Variants in TMEM63C observed in about 807,000 individuals in gnomAD.
TMEM63C encodes the protein osmosensitive cation channel TMEM63C.
TMEM63C carries 32 observed loss-of-function variants against 99.2 expected under a neutral mutation model. The observed-to-expected ratio is 0.32, with a 90% confidence interval of 0.24 to 0.43. The LOEUF (loss-of-function observed/expected upper bound fraction) is 0.43, where lower values mean the gene tolerates loss of function less well. Ranked by LOEUF, TMEM63C falls within the 20% of genes least tolerant of loss-of-function variation. The pLI is 1.00. For synonymous variants in TMEM63C, 376 were observed against 397.9 expected, an observed-to-expected ratio of 0.94 and a Z score of 0.66; for missense variants, 826 against 1,053.0, an observed-to-expected ratio of 0.78 and a Z score of 2.98.
intron 6 of TMEM63C, among the ~76,000 whole-genome samples, chr14:77,230,077 C>T (rs1446536885): frequency 6.6e-6 from 1 of 152,040 alleles, no homozygotes; most frequent in Non-Finnish European, 1.5e-5. Flanking sequence ...TGGCGCACAC[C>T]TATAGTCCCA....
rs146203945 is a variant in TMEM63C, at chr14:77,195,890, G to A, written c.-77+13996G>A. Reference sequence around the variant, plus strand: ...CAGGCTGGGGGTCATGGATGCTTCCGGAGTACCCCTCACCCCATCACAGCT... The same window carrying A: ...CAGGCTGGGGGTCATGGATGCTTCCAGAGTACCCCTCACCCCATCACAGCT... On this transcript the variant is annotated intron_variant, in intron 1 of 23. Coordinates refer to ENST00000298351, the MANE Select transcript of TMEM63C (RefSeq NM_020431.4). 3.6e-3 allele frequency among the ~76,000 whole-genome samples: 555 copies of A among 152,346 alleles called. 2 individuals carry two copies. Among genetic ancestry groups the A allele is most frequent in the African/African-American group, 0.012 (504 of 41,576 alleles).
At chr14:77,222,358 A>C (rs440715) in intron 5 of TMEM63C, among the ~76,000 whole-genome samples, 109,033 of 151,738 alleles carry the variant, frequency 0.72, 40,092 homozygotes, top group Admixed American at 0.8. Flanking sequence ...TCTCTCCATC[A>C]CTCCTACCAT....
At chr14:77,213,548 G>C (rs560986933) in intron 2 of TMEM63C, 40 bp downstream of exon 2, 1 of 152,186 alleles carries the variant, frequency 6.6e-6, no homozygotes. Context: ...CTGCAGGATC[G>C]CCTTCCTACA....
rs775742780 is a variant in TMEM63C at position 77,218,820 on chromosome 14, G to A, written c.7G>A (p.Ala3Thr). The A allele has an allele frequency of 1.5e-5, 24 of 1,613,130 alleles. No homozygotes were observed. Among genetic ancestry groups the A allele is most frequent in the East Asian group, 1.1e-4 (5 of 44,874 alleles). ...TCCCAGGGATCCTCCCAGGATGTCTGCCTCACCAGACGACCTGAGTACAGG... is the reference window on the plus strand; with the variant it reads ...TCCCAGGGATCCTCCCAGGATGTCTACCTCACCAGACGACCTGAGTACAGG... MS[A>T]SPDDLSTGGR... The change falls in exon 3 of 24, where the codon GCC becomes ACC. Residue 3 changes from alanine to threonine, a missense_variant. Coordinates refer to ENST00000298351, the MANE Select transcript of TMEM63C (RefSeq NM_020431.4).
chr14:77,227,764 A>G (rs1395389557), intron 6 of TMEM63C, among the ~76,000 whole-genome samples: 4 of 152,182 alleles, frequency 2.6e-5, no homozygotes, highest in Non-Finnish European at 5.9e-5. Context: ...GGGGTTGAGG[A>G]AAGGACATTG....
intron 13 of TMEM63C, among the ~76,000 whole-genome samples, chr14:77,240,810 G>T (rs1444670983): frequency 1.3e-5 from 2 of 152,188 alleles, no homozygotes; most frequent in Admixed American, 1.3e-4. Flanking sequence ...CTCTCAAGGG[G>T]TGCCCAGGCC....
In TMEM63C at chr14:77,256,770, G is replaced by C; in HGVS notation, c.*44G>C. On this transcript the variant is annotated 3_prime_UTR_variant, in exon 24 of 24. Coordinates refer to ENST00000298351, the MANE Select transcript of TMEM63C (RefSeq NM_020431.4). ...ACTGGCGACTTGTTGAGGGGTCAGG[G>C]GAGGGCCTGGCAAGGGGAGGCAGGA... 6.3e-7 allele frequency: 1 copy of C among 1,590,614 alleles called. No individual in the cohort carries two copies.
intron 2 of TMEM63C, among the ~76,000 whole-genome samples, chr14:77,215,195 T>C (rs994477535): frequency 6.6e-6 from 1 of 152,118 alleles, no homozygotes; most frequent in Non-Finnish European, 1.5e-5. Flanking sequence ...CATCCTCTCT[T>C]ATTCCCCTAG....
rs574591911 is a variant in TMEM63C at position 77,212,601 on chromosome 14, G to A, written c.-76-845G>A. Among the ~76,000 whole-genome samples, 3 of 152,326 alleles carry A rather than the reference G, an allele frequency of 2.0e-5. No individual in the cohort carries two copies. In the East Asian group the frequency reaches 5.8e-4, roughly 29 times the overall value. On this transcript the variant is annotated intron_variant, in intron 1 of 23. Transcript: ENST00000298351. Reference sequence around the variant, plus strand: ...GAGCTAGCTCTCCCTCCAGAAAGAAGTATGGTCCAGGGAGGGTGAAGGGAT... The same window carrying A: ...GAGCTAGCTCTCCCTCCAGAAAGAAATATGGTCCAGGGAGGGTGAAGGGAT...
chr14:77,240,448 A>C, intron 12 of TMEM63C, 27 bp from the exon 13 acceptor site: 1 of 1,598,724 alleles, frequency 6.3e-7, no homozygotes, highest in Admixed American at 1.7e-5. Flanking sequence ...CTCTGGCCCC[A>C]GCCCTGAAGG....
chr14:77,184,923 CG>C (rs1887972436), intron 1 of TMEM63C, among the ~76,000 whole-genome samples: 1 of 152,130 alleles, frequency 6.6e-6, no homozygotes, highest in African/African-American at 2.4e-5. Context: ...AGAAGAACAA[CG>C]TGTGGCCAGG....
At chr14:77,255,391 A>C (rs1889444304) in intron 23 of TMEM63C, among the ~76,000 whole-genome samples, 1 of 152,214 alleles carries the variant, frequency 6.6e-6, no homozygotes, top group Non-Finnish European at 1.5e-5. Context: ...TTGTTCCAGA[A>C]GTATCTTTTA....
chr14:77,237,140 G>T (rs1366486789), intron 9 of TMEM63C, among the ~76,000 whole-genome samples: 4 of 151,704 alleles, frequency 2.6e-5, no homozygotes, highest in Non-Finnish European at 5.9e-5. Flanking sequence ...CTGCTGCCCC[G>T]CCCCTCCCCA....
At chr14:77,251,925 T>C (rs1028078523) in intron 22 of TMEM63C, 27 bp downstream of exon 22, 1 of 1,541,958 alleles carries the variant, frequency 6.5e-7, no homozygotes, top group Non-Finnish European at 9.0e-7. Flanking sequence ...CCCCTCCTCC[T>C]GGTTCTCTTG....
intron 6 of TMEM63C, among the ~76,000 whole-genome samples, chr14:77,227,396 T>C (rs1888847298): frequency 6.6e-6 from 1 of 152,064 alleles, no homozygotes; most frequent in South Asian, 2.1e-4. Context: ...GTCTGGTTTC[T>C]GGGGAGGGTA....
At chr14:77,214,083 C>T (rs1888538553) in intron 2 of TMEM63C, among the ~76,000 whole-genome samples, 1 of 152,066 alleles carries the variant, frequency 6.6e-6, no homozygotes, top group Non-Finnish European at 1.5e-5. Context: ...CTTCTCCATC[C>T]CCATCTCTCA....
Position 77,250,463 on chromosome 14 carries a change from G to A in TMEM63C, c.2038+1005G>A, listed in dbSNP as rs1255895499. ...TTTTTTTTCTTTTGTTTTTAGAGAC[G>A]GAGTCTCGCTCTGTCGCCCAGGCTG... On this transcript the variant is annotated intron_variant, in intron 21 of 23. Coordinates refer to ENST00000298351, the MANE Select transcript of TMEM63C (RefSeq NM_020431.4). 1.1e-4 allele frequency among the ~76,000 whole-genome samples: 17 copies of A among 149,656 alleles called. No individual in the cohort carries two copies. The East Asian group carries it at 2.7e-3, about 24-fold the overall frequency.
intron 1 of TMEM63C, among the ~76,000 whole-genome samples, chr14:77,189,976 TG>T (rs1242967409): frequency 6.6e-6 from 1 of 152,178 alleles, no homozygotes; most frequent in Non-Finnish European, 1.5e-5. Context: ...AATAGGGTCC[TG>T]GGGGGAAAAT....
At chr14:77,240,636 G>A in intron 13 of TMEM63C, 28 bp downstream of exon 13, 1 of 1,602,786 alleles carries the variant, frequency 6.2e-7, no homozygotes. Flanking sequence ...GCCCCACCCA[G>A]CCCCAAGCAT....
Sources: gnomAD v4.1 joint callset for allele counts (sites outside exome capture counted in the v4.1 genomes callset) on GRCh38, gnomAD v4.1.1 for gene constraint, MANE v1.5 for transcripts, NCBI Gene and HGNC (gene_info 2026-07-23, HGNC 2026-07-21) for gene names.